NTNG1: variants seen among roughly 807,000 people sequenced by gnomAD.
The protein encoded by NTNG1 is netrin G1.
Under a neutral mutation model 54.0 loss-of-function variants are expected in NTNG1, and 16 were observed. The ratio of observed to expected loss-of-function variants is 0.30; its 90% CI spans 0.20 to 0.45. NTNG1 has a LOEUF of 0.45. Among genes scored for constraint, NTNG1 ranks in the 20% least tolerant of loss-of-function variants. The pLI is 1.00. For missense variants in NTNG1, 530 were observed against 678.7 expected (o/e 0.78, Z 2.43); for synonymous variants, 255 against 263.1 (o/e 0.97, Z 0.30).
rs147637600 is a variant in NTNG1 at position 107,426,808 on chromosome 1, A to C, written c.1088-3942A>C. Among the ~76,000 whole-genome samples, 674 of 152,198 alleles carry C rather than the reference A, an allele frequency of 4.4e-3. 6 individuals are homozygous for C. Among genetic ancestry groups the C allele is most frequent in the African/African-American group, 0.016 (645 of 41,546 alleles). ...TTAACAATATTAATTCTTTCAACCC[A>C]TGAACATGGGAAATTTTTTCATTAA... is the stretch of plus-strand genomic sequence containing the variant. On this transcript the variant is annotated intron_variant, in intron 5 of 7. Coordinates refer to ENST00000370068, the MANE Select transcript of NTNG1 (RefSeq NM_001113226.3).
At chr1:107,399,949 C>G (rs1039088936) in intron 4 of NTNG1, among the ~76,000 whole-genome samples, 8 of 152,116 alleles carry the variant, frequency 5.3e-5, no homozygotes, top group African/African-American at 1.9e-4. Context: ...TTCTATTAGT[C>G]TTTTAAATCT....
At chr1:107,377,159 G>A (rs1671337811) in intron 3 of NTNG1, among the ~76,000 whole-genome samples, 2 of 152,154 alleles carry the variant, frequency 1.3e-5, no homozygotes, top group Admixed American at 1.3e-4. Context: ...CAAGGTTGTT[G>A]AATTTAACAA....
At chr1:107,437,728 A>C (rs1418028264) in intron 7 of NTNG1, among the ~76,000 whole-genome samples, 1 of 152,186 alleles carries the variant, frequency 6.6e-6, no homozygotes, top group Non-Finnish European at 1.5e-5. Context: ...CAAATTATAT[A>C]AGATACTATT....
intron 2 of NTNG1, among the ~76,000 whole-genome samples, chr1:107,294,170 C>A (rs934458729): frequency 6.6e-6 from 1 of 152,104 alleles, no homozygotes; most frequent in Non-Finnish European, 1.5e-5. Flanking sequence ...TGTATCCAAC[C>A]AACAATGGAG....
At chr1:107,315,582 A>G (rs1667289110) in intron 2 of NTNG1, among the ~76,000 whole-genome samples, 1 of 152,024 alleles carries the variant, frequency 6.6e-6, no homozygotes, top group Non-Finnish European at 1.5e-5. Context: ...CCCAAGTTCT[A>G]CCTCAACTTA....
At chr1:107,336,722 A>T (rs1395587278) in intron 3 of NTNG1, among the ~76,000 whole-genome samples, 1 of 152,042 alleles carries the variant, frequency 6.6e-6, no homozygotes, top group African/African-American at 2.4e-5. Flanking sequence ...TGTAAATCAT[A>T]TATTTGATAA....
At chr1:107,209,449 A>G (rs1659453653) in intron 2 of NTNG1, among the ~76,000 whole-genome samples, 1 of 152,146 alleles carries the variant, frequency 6.6e-6, no homozygotes, top group Non-Finnish European at 1.5e-5. Context: ...AGGAGCACCT[A>G]TGGGAGATGA....
intron 3 of NTNG1, among the ~76,000 whole-genome samples, chr1:107,354,945 T>C (rs888764813): frequency 2.6e-5 from 4 of 152,172 alleles, no homozygotes; most frequent in Non-Finnish European, 2.9e-5. Context: ...GGGAGCAGTG[T>C]GCCCAGCTGT....
intron 2 of NTNG1, among the ~76,000 whole-genome samples, chr1:107,261,719 T>C (rs373007136): frequency 6.6e-6 from 1 of 152,096 alleles, no homozygotes; most frequent in Admixed American, 6.5e-5. Flanking sequence ...GGCGGGTGCC[T>C]GTAGTCCCAG....
At chr1:107,180,702 G>A (rs72981605) in intron 2 of NTNG1, among the ~76,000 whole-genome samples, 148 of 152,108 alleles carry the variant, frequency 9.7e-4, no homozygotes, top group African/African-American at 3.3e-3. Flanking sequence ...TAACTCAGAG[G>A]CTTATAATTT....
intron 2 of NTNG1, among the ~76,000 whole-genome samples, chr1:107,225,323 C>A (rs1026706903): frequency 2.0e-5 from 3 of 151,856 alleles, no homozygotes; most frequent in Non-Finnish European, 4.4e-5. Flanking sequence ...TAGGTCAAGG[C>A]AGTTGAGAAG....
rs1675665550 is a variant in NTNG1 at position 107,437,293 on chromosome 1, G to A, written c.1390+494G>A. Reference sequence around the variant, plus strand: ...AAATCTAAGGAATATTTAAACGTGGGGTAAAATAAATGGCAAAAATCGATA... The same window carrying A: ...AAATCTAAGGAATATTTAAACGTGGAGTAAAATAAATGGCAAAAATCGATA... On this transcript the variant is annotated intron_variant, in intron 7 of 7. Coordinates refer to ENST00000370068, the MANE Select transcript of NTNG1 (RefSeq NM_001113226.3). 1.3e-5 allele frequency among the ~76,000 whole-genome samples: 2 copies of A among 152,056 alleles called. 1 individual carries two copies. Among genetic ancestry groups the A allele is most frequent in the South Asian group, 4.2e-4 (2 of 4,816 alleles).
intron 2 of NTNG1, among the ~76,000 whole-genome samples, chr1:107,188,385 A>C (rs1022005198): frequency 1.8e-4 from 28 of 152,114 alleles, no homozygotes; most frequent in African/African-American, 5.6e-4. Flanking sequence ...CCTTGGCCCC[A>C]GATGCTACAG....
intron 2 of NTNG1, among the ~76,000 whole-genome samples, chr1:107,199,843 T>A (rs955195191): frequency 3.5e-4 from 2 of 5,728 alleles, no homozygotes; most frequent in Non-Finnish European, 0.031. Flanking sequence ...TCCATTGTCA[T>A]CCTTAAAAAA....
intron 3 of NTNG1, among the ~76,000 whole-genome samples, chr1:107,358,781 T>G (rs560308375): frequency 6.6e-6 from 1 of 152,208 alleles, no homozygotes; most frequent in South Asian, 2.1e-4. Context: ...AAACATGCCA[T>G]AACACCCTGC....
At chr1:107,376,169 C>T (rs1671218920) in intron 3 of NTNG1, among the ~76,000 whole-genome samples, 1 of 151,974 alleles carries the variant, frequency 6.6e-6, no homozygotes, top group Admixed American at 6.6e-5. Flanking sequence ...GCCTGTAATC[C>T]CAGCACTTTG....
intron 2 of NTNG1, among the ~76,000 whole-genome samples, chr1:107,294,852 T>C (rs1665847031): frequency 6.6e-6 from 1 of 152,210 alleles, no homozygotes; most frequent in Admixed American, 6.5e-5. Flanking sequence ...TAATGAGTTC[T>C]AGGCCTGAGT....
intron 3 of NTNG1, among the ~76,000 whole-genome samples, chr1:107,336,174 A>C (rs1668565655): frequency 6.6e-6 from 1 of 151,282 alleles, no homozygotes; most frequent in Non-Finnish European, 1.5e-5. Context: ...TGGGGTTTTT[A>C]TGTTGTTGTT....
intron 3 of NTNG1, among the ~76,000 whole-genome samples, chr1:107,391,661 A>G (rs1217124975): frequency 6.6e-6 from 1 of 152,048 alleles, no homozygotes; most frequent in Non-Finnish European, 1.5e-5. Context: ...GTGGAAGGCA[A>G]AGGGGAAGTT....
Sources: gnomAD v4.1 joint callset for allele counts (sites outside exome capture counted in the v4.1 genomes callset) on GRCh38, gnomAD v4.1.1 for gene constraint, MANE v1.5 for transcripts, NCBI Gene and HGNC (gene_info 2026-07-23, HGNC 2026-07-21) for gene names.